The following PCDHGB2 variants were observed in gnomAD, a reference collection of about 807,000 sequenced individuals.
The protein encoded by PCDHGB2 is protocadherin gamma-B2.
A neutral mutation model predicts 59.3 loss-of-function variants in PCDHGB2; 55 were observed. The observed-to-expected ratio is 0.93, with a 90% CI of 0.75 to 1.16. The LOEUF is 1.16. Ranked by LOEUF, PCDHGB2 falls within the 50% of genes most tolerant of loss-of-function variation. The pLI is 0.00. For synonymous variants in PCDHGB2, 516 were observed against 512.0 expected (o/e 1.01, Z -0.11); for missense variants, 1,228 against 1,198.5 (o/e 1.02, Z -0.36).
At position 141,431,353 on chromosome 5, in the gene PCDHGB2, C is replaced by T. The variant is rs1273946805; in HGVS notation, c.2422-63454C>T. 1 of 1,613,940 alleles carries T rather than the reference C, an allele frequency of 6.2e-7. No homozygotes were observed. Among genetic ancestry groups the T allele is most frequent in the Non-Finnish European group, 8.5e-7 (1 of 1,180,042 alleles). On this transcript the variant is annotated intron_variant, in intron 1 of 3. Coordinates refer to ENST00000522605, the MANE Select transcript of PCDHGB2 (RefSeq NM_018923.3). This position sits in a 1 kb window ranked among gnomAD's most constrained non-coding sequence, Gnocchi z 4.8. ...AGTACCCCGAATTGGTGCTGAAACG[C>T]GCCCTGGACCGCGAAGAAAAGGCTG...
Position 141,360,493 on chromosome 5 carries a change from G to A in PCDHGB2, c.358G>A (p.Ala120Thr), listed in dbSNP as rs62621827. Residue 120 changes from alanine to threonine, a missense_variant, in exon 1 of 4, where the codon GCA (alanine) becomes ACA (threonine). Physicochemically the swap from Ala to Thr is moderately conservative, Grantham distance 58. Transcript: ENST00000522605. ...AENPLNIFYI[A>T]VIVQDINDNT... ...AAATCCACTAAATATTTTCTACATA[G>A]CAGTAATTGTGCAGGATATAAATGA... 2,547 of 1,613,892 alleles carry A rather than the reference G, an allele frequency of 1.6e-3. 41 individuals are homozygous for A. In the African/African-American group the frequency reaches 0.029, roughly 18 times the overall value.
chr5:141,427,820 G>A (rs2097075272), intron 1 of PCDHGB2: 2 of 1,532,144 alleles, frequency 1.3e-6, no homozygotes, highest in East Asian at 4.5e-5. Flanking sequence ...GCGGGGTGGT[G>A]GTCGCGCAGC....
intron 1 of PCDHGB2, among the ~76,000 whole-genome samples, chr5:141,455,574 C>T (rs1214642742): frequency 6.6e-6 from 1 of 152,158 alleles, no homozygotes; most frequent in Non-Finnish European, 1.5e-5. Flanking sequence ...CCTCCCACCC[C>T]AGCCTTTTAA....
intron 1 of PCDHGB2, chr5:141,405,042 T>C (rs765018710): frequency 1.2e-6 from 2 of 1,613,144 alleles, no homozygotes; most frequent in South Asian, 1.1e-5. Flanking sequence ...GTTGTGGCTG[T>C]GGCAGTCGTC....
chr5:141,404,722 G>C (rs1335640902), intron 1 of PCDHGB2: 2 of 1,614,138 alleles, frequency 1.2e-6, no homozygotes, highest in South Asian at 1.1e-5. Flanking sequence ...TGGTGACCAA[G>C]GTGGTGGCAG....
chr5:141,426,310 A>G, intron 1 of PCDHGB2: 1 of 173,588 alleles, frequency 5.8e-6, no homozygotes. Context: ...GAAGCAGAGA[A>G]GCAGGACCCG....
At chr5:141,379,257 AG>A (rs1177830899) in intron 1 of PCDHGB2, 8 of 152,234 alleles carry the variant, frequency 5.3e-5, no homozygotes, top group Non-Finnish European at 1.2e-4. Flanking sequence ...TTTACATTTA[AG>A]GAATTGTTAT....
chr5:141,494,449 G>A (rs185095384), intron 1 of PCDHGB2, among the ~76,000 whole-genome samples: 2 of 152,254 alleles, frequency 1.3e-5, no homozygotes, highest in East Asian at 3.9e-4. Flanking sequence ...CACTTTAGGG[G>A]GCTTTGTCTG....
rs374131113 is a variant in PCDHGB2 at position 141,366,708 on chromosome 5, T to C, written c.2421+4152T>C. ...TGTGAGAAAAGCGAGCCTCTTCTGATGTCTGATAAGGTAGATGCAAACAAA... is the reference window on the plus strand; with the variant it reads ...TGTGAGAAAAGCGAGCCTCTTCTGACGTCTGATAAGGTAGATGCAAACAAA... On this transcript the variant is annotated intron_variant, in intron 1 of 3. Coordinates refer to ENST00000522605, the MANE Select transcript of PCDHGB2 (RefSeq NM_018923.3). 3.3e-5 allele frequency: 54 copies of C among 1,614,238 alleles called. No homozygotes were observed. In the African/African-American group the frequency reaches 5.9e-4, roughly 18 times the overall value.
intron 2 of PCDHGB2, 99 bp from the exon 3 acceptor site, chr5:141,505,294 G>T: frequency 6.4e-7 from 1 of 1,572,086 alleles, no homozygotes; most frequent in Non-Finnish European, 8.6e-7. Context: ...GCATGGGGTA[G>T]GGTTAGGGTA....
At chr5:141,376,404 A>C in intron 1 of PCDHGB2, 1 of 1,614,178 alleles carries the variant, frequency 6.2e-7, no homozygotes, top group Non-Finnish European at 8.5e-7. Flanking sequence ...CCCCAGCCCA[A>C]CTATGCCGAC....
intron 1 of PCDHGB2, among the ~76,000 whole-genome samples, chr5:141,442,633 C>A (rs1210890820): frequency 6.6e-6 from 1 of 152,158 alleles, no homozygotes; most frequent in Admixed American, 6.5e-5. Flanking sequence ...AGCAGCAAGA[C>A]CAAAGGCCTA....
chr5:141,427,504 C>A (rs755936092), intron 1 of PCDHGB2: 8 of 579,302 alleles, frequency 1.4e-5, no homozygotes, highest in Middle Eastern at 2.7e-4. Context: ...ACAGATGGGA[C>A]CCTGGATTGG....
At chr5:141,488,083 C>T (rs917074240) in intron 1 of PCDHGB2, among the ~76,000 whole-genome samples, 1 of 152,152 alleles carries the variant, frequency 6.6e-6, no homozygotes, top group African/African-American at 2.4e-5. Context: ...GTATCTAGTA[C>T]ACTGTGAAGG....
chr5:141,400,245 C>T (rs778709619), intron 1 of PCDHGB2: 66 of 1,613,878 alleles, frequency 4.1e-5, no homozygotes, highest in African/African-American at 4.0e-5. Context: ...TGATTCTGGC[C>T]GTTGCCTTGC....
chr5:141,389,131 A>G, intron 1 of PCDHGB2: 2 of 1,614,024 alleles, frequency 1.2e-6, no homozygotes, highest in African/African-American at 2.7e-5. Flanking sequence ...AATCCAGAGT[A>G]CAATATAACC....
intron 1 of PCDHGB2, chr5:141,442,134 AG>A (rs1365375748): frequency 6.1e-6 from 1 of 163,744 alleles, no homozygotes; most frequent in African/African-American, 2.4e-5. Context: ...AGCCTGCAGG[AG>A]ACTCTGCCAG....
chr5:141,481,871 G>T (rs372191396), intron 1 of PCDHGB2, among the ~76,000 whole-genome samples: 1 of 144,788 alleles, frequency 6.9e-6, no homozygotes, highest in Non-Finnish European at 1.5e-5. Context: ...CCGAGATCGC[G>T]CCACTGCACT....
chr5:141,475,852 G>A, intron 1 of PCDHGB2: 1 of 467,402 alleles, frequency 2.1e-6, no homozygotes, highest in East Asian at 3.7e-5. Context: ...AGAGCCCGGC[G>A]CTAGCTCATT....
Sources: allele counts gnomAD v4.1 joint callset (sites outside exome capture counted in the v4.1 genomes callset), GRCh38; gene constraint gnomAD v4.1.1; non-coding constraint Gnocchi (gnomAD v3.1); transcripts MANE v1.5; gene names NCBI Gene and HGNC (gene_info 2026-07-23, HGNC 2026-07-21).